The following FAM163A variants were observed in gnomAD, a reference collection of about 807,000 sequenced individuals.
FAM163A encodes the protein family with sequence similarity 163 member A.
In FAM163A, 7 loss-of-function variants were observed where a neutral mutation model predicts 12.0. That is an observed-to-expected ratio of 0.58 (90% CI 0.33 to 1.10). FAM163A has a LOEUF of 1.10. Among genes scored for constraint, FAM163A ranks in the 50% least tolerant of loss-of-function variants. The probability of loss-of-function intolerance (pLI) is 0.03; values close to 1 mark genes in which losing one functional copy is unlikely to be tolerated. For synonymous variants in FAM163A, 101 were observed against 91.0 expected (o/e 1.11, Z -0.62); for missense variants, 202 against 218.6 (o/e 0.92, Z 0.48).
chr1:179,792,611 C>T (rs553342698), intron 1 of FAM163A, among the ~76,000 whole-genome samples: 56 of 152,220 alleles, frequency 3.7e-4, no homozygotes, highest in African/African-American at 6.0e-4. Context: ...CTAGTGTCTG[C>T]GCCTCCACTT....
intron 1 of FAM163A, among the ~76,000 whole-genome samples, chr1:179,797,982 C>T (rs1692592731): frequency 6.6e-6 from 1 of 152,118 alleles, no homozygotes; most frequent in Non-Finnish European, 1.5e-5. Context: ...GTAATCTCAG[C>T]ACTTTGGGAG....
chr1:179,803,660 C>T (rs1027766609), intron 1 of FAM163A, among the ~76,000 whole-genome samples: 1 of 152,012 alleles, frequency 6.6e-6, no homozygotes, highest in African/African-American at 2.4e-5. Context: ...CCTCCACCTC[C>T]CGGGTTCAAG....
the FAM163A span, among the ~76,000 whole-genome samples, chr1:179,732,736 C>T: frequency 1.1e-4 from 17 of 151,844 alleles, no homozygotes; most frequent in African/African-American, 3.9e-4. Flanking sequence ...CAAAAATTAG[C>T]CAGGCGTGGT....
chr1:179,805,412 A>T (rs1468199308), intron 1 of FAM163A, among the ~76,000 whole-genome samples: 2 of 152,016 alleles, frequency 1.3e-5, no homozygotes, highest in African/African-American at 4.8e-5. Flanking sequence ...GAGCTACTTG[A>T]GAGGCTGAGG....
chr1:179,728,001 G>T, the FAM163A span, among the ~76,000 whole-genome samples: 1 of 151,316 alleles, frequency 6.6e-6, no homozygotes, highest in Non-Finnish European at 1.5e-5. Flanking sequence ...TAATCAATGG[G>T]AAATGAGATG....
intron 1 of FAM163A, among the ~76,000 whole-genome samples, chr1:179,781,809 C>T (rs2148182517): frequency 6.6e-6 from 1 of 152,082 alleles, no homozygotes; most frequent in South Asian, 2.1e-4. Context: ...TGGCGGGTGA[C>T]TGTAATCCCA....
At chr1:179,746,118 G>A (rs1486845301) in intron 1 of FAM163A, among the ~76,000 whole-genome samples, 1 of 152,214 alleles carries the variant, frequency 6.6e-6, no homozygotes, top group East Asian at 1.9e-4. Context: ...ATAAACCGTT[G>A]ATGAGGTTGT....
At chr1:179,809,399 G>A (rs973976053) in intron 2 of FAM163A, among the ~76,000 whole-genome samples, 3 of 152,208 alleles carry the variant, frequency 2.0e-5, no homozygotes, top group Admixed American at 1.3e-4. Flanking sequence ...CAAGGGAGAC[G>A]TGAGAGGAAT....
intron 1 of FAM163A, among the ~76,000 whole-genome samples, chr1:179,806,322 C>T (rs1458375550): frequency 6.6e-6 from 1 of 152,230 alleles, no homozygotes; most frequent in African/African-American, 2.4e-5. Flanking sequence ...AACTCTACAT[C>T]ACAGGTTAAT....
At chr1:179,743,758 C>T (rs1275106883) in intron 1 of FAM163A, among the ~76,000 whole-genome samples, 1 of 152,132 alleles carries the variant, frequency 6.6e-6, no homozygotes, top group African/African-American at 2.4e-5. Flanking sequence ...CGCCTCGGGG[C>T]CGGACTTGCC....
At chr1:179,790,627 G>A (rs149272734) in intron 1 of FAM163A, among the ~76,000 whole-genome samples, 113 of 152,240 alleles carry the variant, frequency 7.4e-4, no homozygotes, top group African/African-American at 2.6e-3. Context: ...TGGATGGATG[G>A]CAGTCAGCAC....
rs528791540 is a variant in FAM163A at position 179,786,536 on chromosome 1, G to A, written c.-135-21262G>A. 2.0e-5 allele frequency among the ~76,000 whole-genome samples: 3 copies of A among 152,322 alleles called. No homozygotes were observed. In the South Asian group the frequency reaches 6.2e-4, roughly 32 times the overall value. On this transcript the variant is annotated intron_variant, in intron 1 of 4. Transcript: ENST00000341785. ...CCCAGCAGCGAAGAGGGTTCCCCAG[G>A]GCTCAGCCTTAAGGGGTAATACCAG... is the stretch of plus-strand genomic sequence containing the variant.
intron 1 of FAM163A, among the ~76,000 whole-genome samples, chr1:179,780,658 G>A (rs1417904442): frequency 6.6e-6 from 1 of 152,220 alleles, no homozygotes; most frequent in Non-Finnish European, 1.5e-5. Context: ...CATTTTAACA[G>A]GTCCTCCAGG....
At chr1:179,742,982 C>A (rs1683842720), upstream of FAM163A, among the ~76,000 whole-genome samples, 1 of 152,250 alleles carries the variant, frequency 6.6e-6, no homozygotes, top group African/African-American at 2.4e-5. Flanking sequence ...CTAAGATTCT[C>A]ATGCTCTCCG....
At chr1:179,730,256 G>C in the FAM163A span, 1 of 152,250 alleles carries the variant, frequency 6.6e-6, no homozygotes, top group Non-Finnish European at 1.5e-5. Flanking sequence ...AGCAGAAGAT[G>C]AAGGCTAAGA....
the FAM163A span, among the ~76,000 whole-genome samples, chr1:179,737,890 A>T: frequency 6.6e-6 from 1 of 152,194 alleles, no homozygotes; most frequent in Non-Finnish European, 1.5e-5. Flanking sequence ...TTTAGAGGTG[A>T]TGCCTATGTG....
At chr1:179,733,453 G>GGAAT in the FAM163A span, among the ~76,000 whole-genome samples, 17 of 152,156 alleles carry the variant, frequency 1.1e-4, no homozygotes, top group Non-Finnish European at 1.8e-4. Context: ...GTATTAGGGA[G>GGAAT]ACCAGGAAAG....
upstream of FAM163A, among the ~76,000 whole-genome samples, chr1:179,741,651 A>C (rs963000770): frequency 6.6e-6 from 1 of 152,352 alleles, no homozygotes; most frequent in East Asian, 1.9e-4. Context: ...CTTACAACCA[A>C]ATGGAAGAAG....
chr1:179,759,106 C>T (rs932316922), intron 1 of FAM163A, among the ~76,000 whole-genome samples: 3 of 152,194 alleles, frequency 2.0e-5, no homozygotes, highest in Non-Finnish European at 4.4e-5. Flanking sequence ...GTTTCTCAAT[C>T]TTGTCACCGT....
Sources: gnomAD v4.1 joint callset for allele counts (sites outside exome capture counted in the v4.1 genomes callset) on GRCh38, gnomAD v4.1.1 for gene constraint, MANE v1.5 for transcripts, NCBI Gene and HGNC (gene_info 2026-07-23, HGNC 2026-07-21) for gene names.